DNAJC19: variants seen among roughly 807,000 people sequenced by gnomAD.
The protein encoded by DNAJC19 is DnaJ heat shock protein family (Hsp40) member C19.
DNAJC19 carries 15 observed loss-of-function variants against 19.8 expected under a neutral mutation model. That is an observed-to-expected ratio of 0.76 (90% confidence interval 0.51 to 1.17). The LOEUF (loss-of-function observed/expected upper bound fraction) is 1.17. Among genes scored for constraint, DNAJC19 ranks in the 50% most tolerant of loss-of-function variants. DNAJC19 has a pLI of 0.00. For missense variants in DNAJC19, 105 were observed against 140.9 expected (o/e 0.75, Z 1.29); for synonymous variants, 38 against 42.1 (o/e 0.90, Z 0.38).
At chr3:180,987,849 T>C in intron 3 of DNAJC19, 174 bp downstream of exon 3, 2 of 735,486 alleles carry the variant, frequency 2.7e-6, no homozygotes, top group Admixed American at 2.4e-5. Flanking sequence ...TAACATCTGA[T>C]GTTTCAGGGT....
In DNAJC19 at chr3:180,989,603, G is replaced by A; in HGVS notation, c.-1C>T. 6.3e-7 allele frequency: 1 copy of A among 1,587,314 alleles called. No individual in the cohort carries two copies. Among genetic ancestry groups the A allele is most frequent in the Non-Finnish European group, 8.6e-7 (1 of 1,167,078 alleles). ...AAGACCGGAAGGCCGCACTCACCAT[G>A]GCTCCGGCTGGGCTCCCTTGCTTCC... On this transcript the variant is annotated 5_prime_UTR_variant, in exon 1 of 6. Coordinates refer to ENST00000382564, the MANE Select transcript of DNAJC19 (RefSeq NM_145261.4).
chr3:180,986,014 T>C lies in DNAJC19; in HGVS notation c.210-18A>G, dbSNP rs758730746. On this transcript the variant is annotated intron_variant, in intron 4 of 5. Transcript: ENST00000382564. ...CAGTAGGGCTAATTAAAAAAAGAAA[T>C]GGTATTTACTTCATCCTACTTCTGC... The C allele has an allele frequency of 4.4e-6, 7 of 1,597,950 alleles. No homozygotes were observed. The East Asian group carries it at 1.3e-4, about 31-fold the overall frequency.
chr3:180,987,618 T>A, intron 3 of DNAJC19: 1 of 304,472 alleles, frequency 3.3e-6, no homozygotes, highest in Non-Finnish European at 6.3e-6. Context: ...ATAGCCTAAT[T>A]AACTAGAGTG....
Position 180,987,168 on chromosome 3 carries a change from T to C in DNAJC19, c.130-146A>G, listed in dbSNP as rs1319772144. The C allele has an allele frequency of 2.7e-5, 19 of 700,818 alleles. No individual in the cohort carries two copies. The East Asian group carries it at 4.8e-4, about 18-fold the overall frequency. 43.4% of individuals were successfully genotyped at this position (700,818 alleles called of 1,614,324 possible). ...ATTCCCGAGGTATTTTAGCTAAAGC[T>C]GAATAAAGTTTATAAATAAGTAGCA... On this transcript the variant is annotated intron_variant, in intron 3 of 5. Transcript: ENST00000382564.
chr3:180,988,002 A>G (rs1344541776), intron 3 of DNAJC19, 21 bp downstream of exon 3: 4 of 1,613,884 alleles, frequency 2.5e-6, no homozygotes, highest in Non-Finnish European at 3.4e-6. Flanking sequence ...TAGAAGCAGC[A>G]AAGAATTAAC....
chr3:180,987,139 T>C (rs1714952780), intron 3 of DNAJC19, 117 bp from the exon 4 acceptor site: 2 of 870,764 alleles, frequency 2.3e-6, no homozygotes, highest in Non-Finnish European at 3.8e-6. Flanking sequence ...GGACTTTTAG[T>C]GCAATTCCCG....
rs1375997552 is a variant in DNAJC19 at position 180,989,649 on chromosome 3, C to T, written c.-47G>A. 2 of 1,577,838 alleles carry T rather than the reference C, an allele frequency of 1.3e-6. No homozygotes were observed. Among genetic ancestry groups the T allele is most frequent in the African/African-American group, 1.3e-5 (1 of 74,302 alleles). Reference sequence around the variant, plus strand: ...CTTCCACCGGGAGCACGGCTCATCCCAGCTCAGAGGCCGCGGCCAACACCT... The same window carrying T: ...CTTCCACCGGGAGCACGGCTCATCCTAGCTCAGAGGCCGCGGCCAACACCT... On this transcript the variant is annotated 5_prime_UTR_variant, in exon 1 of 6. Transcript: ENST00000382564.
At chr3:180,986,829 C>A in intron 4 of DNAJC19, 114 bp downstream of exon 4, 1 of 877,248 alleles carries the variant, frequency 1.1e-6, no homozygotes, top group Non-Finnish European at 1.9e-6. Context: ...ATCAATCTTC[C>A]TAGGACAAAA....
Position 180,988,208 on chromosome 3 carries a change from C to T in DNAJC19, c.25G>A (p.Gly9Arg), listed in dbSNP as rs866104361. The T allele has an allele frequency of 1.2e-6, 2 of 1,614,172 alleles. No individual in the cohort carries two copies. Among genetic ancestry groups the T allele is most frequent in the Non-Finnish European group, 1.7e-6 (2 of 1,180,030 alleles). ...AATCCTGCAGCAGCAATGGTCAGTCCAACTGCTACCACTGTACTGGCCTGG... is the reference window on the plus strand; with the variant it reads ...AATCCTGCAGCAGCAATGGTCAGTCTAACTGCTACCACTGTACTGGCCTGG... MASTVVAV[G>R]LTIAAAGFAG... Residue 9 changes from glycine (G) to arginine (R), a missense_variant, in exon 2 of 6, where the codon GGA becomes AGA. By Grantham distance (125) the Gly-to-Arg change is moderately radical. Coordinates refer to ENST00000382564, the MANE Select transcript of DNAJC19 (RefSeq NM_145261.4).
chr3:180,985,900 TCAA>T (rs1156670946), intron 5 of DNAJC19, 23 bp downstream of exon 5: 2 of 1,594,702 alleles, frequency 1.3e-6, no homozygotes, highest in East Asian at 4.5e-5. Flanking sequence ...ACCAACAACA[TCAA>T]CGAGAATTTA....
At chr3:180,985,635 AG>A in intron 5 of DNAJC19, 1 of 352,552 alleles carries the variant, frequency 2.8e-6, no homozygotes, top group Non-Finnish European at 5.3e-6. Flanking sequence ...AAAATGGATA[AG>A]GAAAAATTAC....
chr3:180,989,243 G>T, intron 1 of DNAJC19: 14 of 1,087,428 alleles, frequency 1.3e-5, no homozygotes, highest in Non-Finnish European at 1.5e-5. Flanking sequence ...ATAGCAAAGT[G>T]GAGCTAGTGC....
At chr3:180,988,306 A>T in intron 1 of DNAJC19, 77 bp from the exon 2 acceptor site, 1 of 1,532,928 alleles carries the variant, frequency 6.5e-7, no homozygotes, top group Non-Finnish European at 9.0e-7. Flanking sequence ...TTCCATCCCC[A>T]ACTCATTACA....
intron 4 of DNAJC19, 28 bp from the exon 5 acceptor site, chr3:180,986,024 T>G: frequency 1.3e-6 from 2 of 1,562,914 alleles, no homozygotes; most frequent in Non-Finnish European, 1.8e-6. Context: ...TGGTATTTAC[T>G]TCATCCTACT....
rs373661392 is a variant in DNAJC19, at chr3:180,989,566, G to C, written c.3+34C>G. 23 of 1,570,304 alleles carry C rather than the reference G, an allele frequency of 1.5e-5. No individual in the cohort carries two copies. The African/African-American group carries it at 3.1e-4, about 21-fold the overall frequency. On this transcript the variant is annotated intron_variant, in intron 1 of 5. Transcript: ENST00000382564. ...GGAGCTGAGGTTGAGGCCTGGGCCGGAGGTCGCCAAGAAGACCGGAAGGCC... is the reference window on the plus strand; with the variant it reads ...GGAGCTGAGGTTGAGGCCTGGGCCGCAGGTCGCCAAGAAGACCGGAAGGCC...
Position 180,983,759 on chromosome 3 carries a change from C to T in DNAJC19, c.*881G>A. On this transcript the variant is annotated 3_prime_UTR_variant, in exon 6 of 6. Coordinates refer to ENST00000382564, the MANE Select transcript of DNAJC19 (RefSeq NM_145261.4). ...TATTAGTGTATAAATTCTAAAGAGTCCAAATTAAATATGTTGATATTGAGA... is the reference window on the plus strand; with the variant it reads ...TATTAGTGTATAAATTCTAAAGAGTTCAAATTAAATATGTTGATATTGAGA... The T allele has an allele frequency of 2.2e-6, 1 of 450,466 alleles. No individual in the cohort carries two copies. The allele number at this position is 450,466 out of a possible 1,614,324, so 27.9% of individuals were successfully genotyped here.
At chr3:180,988,532 T>C (rs1211838975) in intron 1 of DNAJC19, among the ~76,000 whole-genome samples, 1 of 152,012 alleles carries the variant, frequency 6.6e-6, no homozygotes, top group East Asian at 1.9e-4. Flanking sequence ...TCCAGTAATC[T>C]TTAAAACTAC....
rs751736236 is a variant in DNAJC19 at position 180,986,993 on chromosome 3, C to A, written c.159G>T (p.Gly53=). The change falls in exon 4 of 6, where the codon GGG becomes GGT. Residue 53 remains glycine, a synonymous_variant. Transcript: ENST00000382564. Reference sequence around the variant, plus strand: ...CCCGTTTTGTCATTTTGGGTTCAAACCCACCTCTATAATAGCCACCACTGA... The same window carrying A: ...CCCGTTTTGTCATTTTGGGTTCAAAACCACCTCTATAATAGCCACCACTGA... The part of the protein sequence containing the change: ...SAFSGGYYRG[G]FEPKMTKREA... The A allele has an allele frequency of 6.2e-7, 1 of 1,613,858 alleles. No individual in the cohort carries two copies. The highest frequency in any genetic ancestry group is 8.5e-7 in the Non-Finnish European group (1 of 1,179,866).
At position 180,983,720 on chromosome 3, in the gene DNAJC19, ACAT is replaced by A. The variant is rs1460418809; in HGVS notation, c.*917_*919del. On this transcript the variant is annotated 3_prime_UTR_variant, in exon 6 of 6. Transcript: ENST00000382564. ...CAAACAGTAAGTAATTTGCCTTTAA[ACAT>A]CATTTAAATTTATTAGTGTATAAAT... is the stretch of plus-strand genomic sequence containing the variant. 2 of 424,090 alleles carry A rather than the reference ACAT, an allele frequency of 4.7e-6. No homozygotes were observed. The highest frequency in any genetic ancestry group is 2.1e-5 in the African/African-American group (1 of 48,530). The allele number at this position is 424,090 out of a possible 1,614,324, so 26.3% of individuals were successfully genotyped here. A position where few individuals can be genotyped will look rare whatever the true frequency, so the allele number is the denominator to read the frequency against.
Sources: allele counts gnomAD v4.1 joint callset (sites outside exome capture counted in the v4.1 genomes callset), GRCh38; gene constraint gnomAD v4.1.1; transcripts MANE v1.5; gene names NCBI Gene and HGNC (gene_info 2026-07-23, HGNC 2026-07-21).